Variants in FRY observed in about 807,000 individuals in gnomAD.
FRY encodes the protein FRY microtubule binding protein.
Under a neutral mutation model 348.4 loss-of-function variants are expected in FRY, and 128 were observed. The observed-to-expected ratio is 0.37, with a 90% CI of 0.32 to 0.43. The LOEUF (loss-of-function observed/expected upper bound fraction) is 0.43, where lower values mean the gene tolerates loss of function less well. Among genes scored for constraint, FRY ranks in the 20% least tolerant of loss-of-function variants. FRY has a pLI of 1.00. For missense variants in FRY, 2,736 were observed against 3,695.2 expected, an observed-to-expected ratio of 0.74 and a Z score of 6.73; for synonymous variants, 1,370 against 1,374.7, an observed-to-expected ratio of 1.00 and a Z score of 0.08.
At chr13:32,114,037 G>A (rs1286944644) in intron 3 of FRY, among the ~76,000 whole-genome samples, 1 of 152,194 alleles carries the variant, frequency 6.6e-6, no homozygotes, top group Non-Finnish European at 1.5e-5. Flanking sequence ...GATGAACACT[G>A]TGGAAGTTCT....
intron 31 of FRY, among the ~76,000 whole-genome samples, chr13:32,204,119 C>A (rs1450820065): frequency 6.6e-6 from 1 of 152,144 alleles, no homozygotes; most frequent in Non-Finnish European, 1.5e-5. Context: ...AGAACAGAGG[C>A]TTTGGAGTCA....
In FRY at chr13:32,265,452, T is replaced by C; in HGVS notation, c.7782T>C (p.Ala2594=). ...CTTTTGTCTTTTTATTCTTCCAGGC[T>C]GAAGCTGTTCGTGAGGAGGAGGACA... is the stretch of plus-strand genomic sequence containing the variant. The part of the protein sequence containing the change: ...NNLQISEGSK[A]EAVREEEDTT... The change falls in exon 54 of 61, where the codon GCT becomes GCC. Residue 2594 remains alanine, a splice_region_variant and synonymous_variant. Coordinates refer to ENST00000542859, the MANE Select transcript of FRY (RefSeq NM_023037.3). The C allele has an allele frequency of 2.5e-6, 4 of 1,614,136 alleles. No homozygotes were observed. The highest frequency in any genetic ancestry group is 3.4e-6 in the Non-Finnish European group (4 of 1,179,984).
Position 32,135,178 on chromosome 13 carries a change from T to A in FRY, c.1072T>A (p.Ser358Thr). 1 of 1,589,128 alleles carries A rather than the reference T, an allele frequency of 6.3e-7. No individual in the cohort carries two copies. Among genetic ancestry groups the A allele is most frequent in the Non-Finnish European group, 8.6e-7 (1 of 1,157,226 alleles). The change falls in exon 10 of 61, where the codon TCC (serine) becomes ACC (threonine). Residue 358 changes from serine (S) to threonine (T), a missense_variant. Physicochemically the swap from Ser to Thr is moderately conservative, Grantham distance 58 (BLOSUM62 1). Transcript: ENST00000542859. ...TLELSSRKKH[S>T]LALYPLVTCL... ...GGAACTTTCTTCTCGAAAGAAGCAT[T>A]CCTTGGTTAGTAACTATGAGAAAAT...
chr13:32,294,389 C>A lies in FRY; in HGVS notation c.8602C>A (p.Leu2868Met). Residue 2868 changes from leucine to methionine, a missense_variant, in exon 60 of 61, where the codon CTG becomes ATG. Physicochemically the swap from Leu to Met is conservative, Grantham distance 15. Around this residue, in one of 9 missense-constraint regions of FRY, gnomAD observed 157 missense variants for 215.2 expected, o/e 0.73. Coordinates refer to ENST00000542859, the MANE Select transcript of FRY (RefSeq NM_023037.3). Reference protein sequence around the residue: ...MPELLNMSRELSDLKKHLKEA... With the variant: ...MPELLNMSREMSDLKKHLKEA... ...ATAGCTGCTGAATATGTCCAGGGAA[C>A]TGAGTGACCTAAAGAAACACCTGAA... 6.2e-7 allele frequency: 1 copy of A among 1,613,256 alleles called. No homozygotes were observed. Among genetic ancestry groups the A allele is most frequent in the Non-Finnish European group, 8.5e-7 (1 of 1,179,338 alleles).
chr13:32,294,537 TCGGCAAAGCTTTGCGG>T lies in FRY; in HGVS notation c.8752_8767del (p.Gly2918ArgfsTer26). 6.2e-7 allele frequency: 1 copy of T among 1,614,140 alleles called. No individual in the cohort carries two copies. The highest frequency in any genetic ancestry group is 8.5e-7 in the Non-Finnish European group (1 of 1,180,004). The stretch of plus-strand genomic sequence containing the variant: ...CTGGAGTGCCTGAAGAACAACGAAC[TCGGCAAAGCTTTGCGG>T]CAGATCAGGGAGTGCAGGTGACTCT... On this transcript the variant is annotated frameshift_variant, in exon 60 of 61. Transcript: ENST00000542859. LOFTEE classifies it high-confidence loss of function.
At chr13:32,223,573 C>G (rs948829123) in intron 36 of FRY, among the ~76,000 whole-genome samples, 1 of 151,950 alleles carries the variant, frequency 6.6e-6, no homozygotes, top group South Asian at 2.1e-4. Flanking sequence ...TCCAGGAGTT[C>G]GAGACCAGCA....
intron 3 of FRY, among the ~76,000 whole-genome samples, chr13:32,112,380 T>A (rs934847788): frequency 6.6e-6 from 1 of 152,154 alleles, no homozygotes; most frequent in Non-Finnish European, 1.5e-5. Flanking sequence ...AAGTATTTAG[T>A]CCCATTTTAC....
At position 32,281,424 on chromosome 13, in the gene FRY, T is replaced by C. The variant is rs191777856; in HGVS notation, c.8469+2876T>C. The stretch of plus-strand genomic sequence containing the variant: ...ACTCAAGAATAATTCCCAGCATATG[T>C]CTAAATGTCTAATATGGCTTTAGGA... On this transcript the variant is annotated intron_variant, in intron 58 of 60. Coordinates refer to ENST00000542859, the MANE Select transcript of FRY (RefSeq NM_023037.3). 3.7e-3 allele frequency among the ~76,000 whole-genome samples: 561 copies of C among 152,300 alleles called. 5 individuals are homozygous for C. The highest frequency in any genetic ancestry group is 3.7e-3 in the South Asian group (18 of 4,826).
At chr13:32,271,226 T>C (rs913411009) in intron 55 of FRY, among the ~76,000 whole-genome samples, 1 of 152,224 alleles carries the variant, frequency 6.6e-6, no homozygotes, top group African/African-American at 2.4e-5. Context: ...CCTTTGAACC[T>C]ACCTGTGTTC....
chr13:32,145,721 T>A (rs540100138), intron 11 of FRY, among the ~76,000 whole-genome samples: 1 of 151,374 alleles, frequency 6.6e-6, no homozygotes, highest in African/African-American at 2.4e-5. Flanking sequence ...ATTTTTTGTA[T>A]TTTTAGTAGA....
At chr13:32,118,609 A>G (rs1878454642) in intron 4 of FRY, among the ~76,000 whole-genome samples, 1 of 152,122 alleles carries the variant, frequency 6.6e-6, no homozygotes, top group South Asian at 2.1e-4. Flanking sequence ...GAATTTTTAG[A>G]TATAACTCAG....
At chr13:32,258,988 AT>A (rs1887483819) in intron 51 of FRY, among the ~76,000 whole-genome samples, 1 of 152,210 alleles carries the variant, frequency 6.6e-6, no homozygotes, top group Non-Finnish European at 1.5e-5. Flanking sequence ...AAAAAATAGT[AT>A]TTCTAACATT....
At chr13:32,248,525 G>T (rs1034427020) in intron 48 of FRY, among the ~76,000 whole-genome samples, 1 of 141,862 alleles carries the variant, frequency 7.0e-6, no homozygotes, top group African/African-American at 2.8e-5. Flanking sequence ...AGAACTTAAA[G>T]TATATTAAAA....
intron 59 of FRY, among the ~76,000 whole-genome samples, 189 bp from the exon 60 acceptor site, chr13:32,294,179 T>C (rs1232841886): frequency 6.6e-6 from 1 of 152,162 alleles, no homozygotes; most frequent in Non-Finnish European, 1.5e-5. Flanking sequence ...AGTTGACACA[T>C]ACTCAATGCA....
At chr13:32,032,540 C>T (rs574404441) in intron 1 of FRY, among the ~76,000 whole-genome samples, 2 of 152,080 alleles carry the variant, frequency 1.3e-5, no homozygotes, top group Non-Finnish European at 2.9e-5. Flanking sequence ...AGGTTCTGAC[C>T]CTAATTATTT....
At chr13:32,063,366 T>C (rs1337815127) in intron 1 of FRY, among the ~76,000 whole-genome samples, 1 of 152,228 alleles carries the variant, frequency 6.6e-6, no homozygotes, top group Non-Finnish European at 1.5e-5. Flanking sequence ...GAAGCTGGTT[T>C]GTCGTTTCTG....
At chr13:32,194,365 C>T (rs557171968) in intron 29 of FRY, 68 bp downstream of exon 29, 15 of 1,420,712 alleles carry the variant, frequency 1.1e-5, no homozygotes, top group Middle Eastern at 3.5e-4. Context: ...ATATGAATGA[C>T]GGAGAGCTGT....
At chr13:32,071,247 G>A (rs401432) in intron 1 of FRY, among the ~76,000 whole-genome samples, 106,235 of 151,988 alleles carry the variant, frequency 0.7, 37,341 homozygotes, top group African/African-American at 0.73. Context: ...AATTCTGTGA[G>A]GAAACTCATT....
intron 1 of FRY, among the ~76,000 whole-genome samples, chr13:32,068,600 C>T (rs1003709776): frequency 3.3e-5 from 5 of 152,192 alleles, no homozygotes; most frequent in Admixed American, 3.3e-4. Context: ...AGATAAAATA[C>T]TGGAAGGCAG....
Sources: allele counts gnomAD v4.1 joint callset (sites outside exome capture counted in the v4.1 genomes callset), GRCh38; gene constraint gnomAD v4.1.1; regional missense constraint gnomAD v4.1.1; transcripts MANE v1.5; gene names NCBI Gene and HGNC (gene_info 2026-07-23, HGNC 2026-07-21).